Variants in SLC33A1 observed in about 807,000 individuals in gnomAD.
SLC33A1 encodes the protein solute carrier family 33 member 1.
SLC33A1 carries 20 observed loss-of-function variants against 50.0 expected under a neutral mutation model. The ratio of observed to expected loss-of-function variants is 0.40; its 90% confidence interval spans 0.28 to 0.58. The LOEUF is 0.58. SLC33A1 is among the 20% of genes least tolerant of loss of function. SLC33A1 has a pLI of 0.44. For missense variants in SLC33A1, 476 were observed against 657.0 expected (o/e 0.72, Z 3.01); for synonymous variants, 265 against 251.8 (o/e 1.05, Z -0.50).
In SLC33A1 at chr3:155,853,370, C is replaced by T; in HGVS notation, c.628G>A (p.Val210Met). Residue 210 changes from valine (V) to methionine (M), a missense_variant, in exon 1 of 6, where the codon GTG becomes ATG. Transcript: ENST00000643144. ...WALTMLSRENVGYASTCNSVG... is the reference protein window; with the variant it reads ...WALTMLSRENMGYASTCNSVG... ...GAATTGCAAGTAGAAGCATAACCCA[C>T]ATTTTCCCTGGATAACATAGTTAAC... 6.2e-7 allele frequency: 1 copy of T among 1,614,144 alleles called. No homozygotes were observed. The highest frequency in any genetic ancestry group is 8.5e-7 in the Non-Finnish European group (1 of 1,180,042).
chr3:155,840,588 A>G (rs28693702), intron 2 of SLC33A1, among the ~76,000 whole-genome samples: 29,709 of 150,948 alleles, frequency 0.2, 7,422 homozygotes, highest in African/African-American at 0.58. Flanking sequence ...GAGGCCAAGG[A>G]TAGATCACCT....
chr3:155,843,255 C>T (rs183495012), intron 1 of SLC33A1, among the ~76,000 whole-genome samples: 2 of 152,236 alleles, frequency 1.3e-5, no homozygotes, highest in East Asian at 3.9e-4. Flanking sequence ...ATTTTCATAT[C>T]CCCTAAGATC....
In SLC33A1 at chr3:155,853,883, G is replaced by T. The variant is rs1247212329; in HGVS notation, c.115C>A (p.His39Asn). 1 of 1,563,838 alleles carries T rather than the reference G, an allele frequency of 6.4e-7. No individual in the cohort carries two copies. Among genetic ancestry groups the T allele is most frequent in the Non-Finnish European group, 8.6e-7 (1 of 1,156,204 alleles). The change falls in exon 1 of 6, where the codon CAT becomes AAT. Residue 39 changes from histidine to asparagine, a missense_variant. Coordinates refer to ENST00000643144, the MANE Select transcript of SLC33A1 (RefSeq NM_004733.4). ...PLPPGGWDDS[H>N]LDSAGREGDR... ...CCTTCCCGGCCCGCTGAGTCCAAAT[G>T]ACTGTCATCCCAACCGCCTGGCGGC... is the stretch of plus-strand genomic sequence containing the variant.
In SLC33A1 at chr3:155,844,441, ATATATATATATATATATTTTTTT is replaced by A. The variant is rs1240996866; in HGVS notation, c.776-1845_776-1823del. The stretch of plus-strand genomic sequence containing the variant: ...TACATAAAGGTATATATATATATAT[ATATATATATATATATATTTTTTT>A]TTTTTTTTTTTTTTTTTTTTTTGAG... On this transcript the variant is annotated intron_variant, in intron 1 of 5. Coordinates refer to ENST00000643144, the MANE Select transcript of SLC33A1 (RefSeq NM_004733.4). Among the ~76,000 whole-genome samples, 11 of 5,594 alleles carry A rather than the reference ATATATATATATATATATTTTTTT, an allele frequency of 2.0e-3. No individual in the cohort carries two copies. In the South Asian group the frequency reaches 0.027, roughly 14 times the overall value. 3.7% of individuals were successfully genotyped at this position (5,594 alleles called of 152,430 possible). A position where few individuals can be genotyped will look rare whatever the true frequency, so the allele number is the denominator to read the frequency against.
At chr3:155,846,642 G>A (rs949141247) in intron 1 of SLC33A1, among the ~76,000 whole-genome samples, 3 of 151,530 alleles carry the variant, frequency 2.0e-5, no homozygotes, top group South Asian at 4.2e-4. Flanking sequence ...TAGTAGAGAC[G>A]GGGTTTCTCC....
chr3:155,839,614 AG>A (rs1382130174), intron 2 of SLC33A1, among the ~76,000 whole-genome samples: 1 of 152,108 alleles, frequency 6.6e-6, no homozygotes, highest in East Asian at 1.9e-4. Context: ...GACAAAGAGA[AG>A]ATAAAAAATT....
chr3:155,824,468 T>C lies in SLC33A1; in HGVS notation c.*3742A>G, dbSNP rs553868990. 3 of 152,354 alleles carry C rather than the reference T, an allele frequency of 2.0e-5. No individual in the cohort carries two copies. Among genetic ancestry groups the C allele is most frequent in the South Asian group, 4.1e-4 (2 of 4,830 alleles). The allele number at this position is 152,354 out of a possible 1,614,324, so 9.4% of individuals were successfully genotyped here. A position where few individuals can be genotyped will look rare whatever the true frequency, so the allele number is the denominator to read the frequency against. On this transcript the variant is annotated 3_prime_UTR_variant, in exon 6 of 6. Coordinates refer to ENST00000643144, the MANE Select transcript of SLC33A1 (RefSeq NM_004733.4). The stretch of plus-strand genomic sequence containing the variant: ...GAAAAAAAAGGTTAAATCATGAAGA[T>C]TTCTCTTTTGTAGGATATAATTCAC...
chr3:155,847,605 G>T (rs6787767), intron 1 of SLC33A1, among the ~76,000 whole-genome samples: 29,885 of 151,662 alleles, frequency 0.2, 7,499 homozygotes, highest in African/African-American at 0.58. Context: ...AAAATTAGGT[G>T]GGCATTGTGG....
At chr3:155,828,896 G>GT (rs11355046) in intron 5 of SLC33A1, among the ~76,000 whole-genome samples, 2,072 of 128,572 alleles carry the variant, frequency 0.016, 15 homozygotes, top group East Asian at 0.037. Context: ...AGCCGAATAT[G>GT]TTTTTTTTTT....
At chr3:155,836,313 A>AG (rs1752670884) in intron 2 of SLC33A1, among the ~76,000 whole-genome samples, 1 of 109,580 alleles carries the variant, frequency 9.1e-6, no homozygotes, top group Non-Finnish European at 1.9e-5. Flanking sequence ...AAAAAAAAAA[A>AG]GGAAAGAAAG....
intron 1 of SLC33A1, among the ~76,000 whole-genome samples, chr3:155,852,429 CTT>C (rs1753436482): frequency 6.6e-6 from 1 of 152,232 alleles, no homozygotes; most frequent in African/African-American, 2.4e-5. Context: ...ACTTTAAACT[CTT>C]TTCCCATAGT....
chr3:155,853,209 C>T lies in SLC33A1; in HGVS notation c.775+14G>A, dbSNP rs202136098. On this transcript the variant is annotated intron_variant, in intron 1 of 5. Coordinates refer to ENST00000643144, the MANE Select transcript of SLC33A1 (RefSeq NM_004733.4). ...ATAAATAAACCTAACACCATAATAG[C>T]TTAAATACACTACCTGAAAGAGTAA... The T allele has an allele frequency of 6.8e-6, 11 of 1,606,360 alleles. No homozygotes were observed. Among genetic ancestry groups the T allele is most frequent in the Non-Finnish European group, 9.4e-6 (11 of 1,173,198 alleles).
intron 2 of SLC33A1, among the ~76,000 whole-genome samples, chr3:155,842,141 A>T (rs896742061): frequency 6.6e-6 from 1 of 152,218 alleles, no homozygotes; most frequent in Non-Finnish European, 1.5e-5. Flanking sequence ...ATTGATTTTT[A>T]AAGATATTAA....
At chr3:155,840,983 C>G (rs1010826534) in intron 2 of SLC33A1, among the ~76,000 whole-genome samples, 1 of 147,376 alleles carries the variant, frequency 6.8e-6, no homozygotes, top group Non-Finnish European at 1.5e-5. Context: ...GACTTTGTCT[C>G]AAAAAAAATA....
rs555746220 is a variant in SLC33A1, at chr3:155,822,653, A to G, written c.*5557T>C. The G allele has an allele frequency of 1.8e-4, 27 of 151,892 alleles. No homozygotes were observed. The highest frequency in any genetic ancestry group is 3.4e-4 in the Non-Finnish European group (23 of 67,990). The allele number at this position is 151,892 out of a possible 1,614,324, so 9.4% of individuals were successfully genotyped here. On this transcript the variant is annotated 3_prime_UTR_variant, in exon 6 of 6. Coordinates refer to ENST00000643144, the MANE Select transcript of SLC33A1 (RefSeq NM_004733.4). ...GTACCTTGTGCATTTCAGTCATGCC[A>G]TTTAATCATTATTCTTCACATAAAA...
rs537516656 is a variant in SLC33A1, at chr3:155,848,335, T to C, written c.775+4888A>G. 2.0e-5 allele frequency among the ~76,000 whole-genome samples: 3 copies of C among 152,268 alleles called. 1 individual carries two copies. The South Asian group carries it at 6.2e-4, about 32-fold the overall frequency. On this transcript the variant is annotated intron_variant, in intron 1 of 5. Transcript: ENST00000643144. ...TTTTTATATGAGCCTAAGAAGTGTT[T>C]GTAAAATTAGGAAATAAAAAAGGAA...
In SLC33A1 at chr3:155,821,543, C is replaced by G. The variant is rs1283482200; in HGVS notation, c.*6667G>C. 2 of 151,680 alleles carry G rather than the reference C, an allele frequency of 1.3e-5. No homozygotes were observed. Among genetic ancestry groups the G allele is most frequent in the African/African-American group, 4.9e-5 (2 of 41,236 alleles). 9.4% of individuals were successfully genotyped at this position (151,680 alleles called of 1,614,324 possible). On this transcript the variant is annotated 3_prime_UTR_variant, in exon 6 of 6. Transcript: ENST00000643144. ...GTGCGATGGTGCGATCTCGGCTCACCGCAACCCCTGCCTCCCGGGTTCAAG... is the reference window on the plus strand; with the variant it reads ...GTGCGATGGTGCGATCTCGGCTCACGGCAACCCCTGCCTCCCGGGTTCAAG...
At chr3:155,852,983 G>C (rs913851859) in intron 1 of SLC33A1, 1 of 563,718 alleles carries the variant, frequency 1.8e-6, no homozygotes, top group African/African-American at 1.9e-5. Flanking sequence ...CCCTGGACTC[G>C]GTTGTGTTAT....
rs1449462090 is a variant in SLC33A1 at position 155,834,017 on chromosome 3, C to T, written c.988G>A (p.Val330Ile). Residue 330 changes from valine (V) to isoleucine (I), a missense_variant, in exon 3 of 6, where the codon GTA (valine) becomes ATA (isoleucine). Val to Ile is a conservative substitution (Grantham distance 29). Coordinates refer to ENST00000643144, the MANE Select transcript of SLC33A1 (RefSeq NM_004733.4). ...TCTTCTACCAATTTCAGTCCTGTTA[C>T]AGCATCTGCTGCTGAAAAACCAATC... ...AKIGFSAADAVTGLKLVEEGV... is the reference protein window; with the variant it reads ...AKIGFSAADAITGLKLVEEGV... The T allele has an allele frequency of 1.9e-6, 3 of 1,613,698 alleles. No homozygotes were observed. The highest frequency in any genetic ancestry group is 2.5e-6 in the Non-Finnish European group (3 of 1,179,804).
Sources: allele counts gnomAD v4.1 joint callset (sites outside exome capture counted in the v4.1 genomes callset), GRCh38; gene constraint gnomAD v4.1.1; transcripts MANE v1.5; gene names NCBI Gene and HGNC (gene_info 2026-07-23, HGNC 2026-07-21).